Variants in DIAPH2 observed in about 807,000 individuals in gnomAD.
DIAPH2 encodes the protein protein diaphanous homolog 2.
DIAPH2 carries 35 observed loss-of-function variants against 92.7 expected under a neutral mutation model. The ratio of observed to expected loss-of-function variants is 0.38; its 90% CI spans 0.29 to 0.50. The LOEUF is 0.50. DIAPH2 is among the 20% of genes least tolerant of loss of function. The pLI, the probability that DIAPH2 is intolerant of heterozygous loss-of-function variation, is 0.94. For missense variants in DIAPH2, 701 were observed against 819.5 expected, an observed-to-expected ratio of 0.86 and a Z score of 1.77; for synonymous variants, 301 against 280.4, an observed-to-expected ratio of 1.07 and a Z score of -0.73.
intron 4 of DIAPH2, among the ~76,000 whole-genome samples, chrX:96,759,984 A>G (rs774698753): frequency 2.7e-5 from 3 of 111,861 alleles, no homozygotes; most frequent in Admixed American, 9.5e-5. Flanking sequence ...TGGAAATTCA[A>G]TGTTCCTCAA....
At position 97,583,569 on chromosome X, in the gene DIAPH2, T is replaced by C. The variant is rs181687219; in HGVS notation, c.3242-15684T>C. On this transcript the variant is annotated intron_variant, in intron 26 of 26. Coordinates refer to ENST00000324765, the MANE Select transcript of DIAPH2 (RefSeq NM_006729.5). ...GCTGCATGTTGGGAGAACCACTGCT[T>C]TCTTCAAAGCTGTCAGACTGGGATA... Among the ~76,000 whole-genome samples, 880 of 112,149 alleles carry C rather than the reference T, an allele frequency of 7.8e-3. 9 individuals are homozygous for C. Among genetic ancestry groups the C allele is most frequent in the African/African-American group, 0.027 (839 of 30,765 alleles).
intron 23 of DIAPH2, among the ~76,000 whole-genome samples, chrX:97,292,618 C>T (rs190745171): frequency 0.012 from 1,309 of 105,527 alleles, 11 homozygotes; most frequent in Non-Finnish European, 0.021. Context: ...GCGATCTTGG[C>T]TCACTGCAAC....
chrX:97,192,490 G>A lies in DIAPH2; in HGVS notation c.2719+50696G>A, dbSNP rs141378327. ...GCCATAGAATGTAAGAGCTAGATGC[G>A]CCCTTAGATTCCATTTGCTAAAACA... On this transcript the variant is annotated intron_variant, in intron 22 of 26. Transcript: ENST00000324765. Among the ~76,000 whole-genome samples the A allele has an allele frequency of 6.1e-4, 67 of 110,162 alleles. 1 individual carries two copies. In the East Asian group the frequency reaches 0.018, roughly 30 times the overall value.
intron 26 of DIAPH2, among the ~76,000 whole-genome samples, chrX:97,495,871 C>T: frequency 8.9e-6 from 1 of 111,736 alleles, no homozygotes. Flanking sequence ...TAGTGAATGA[C>T]CATTTCTGGA....
At chrX:96,918,678 A>G in intron 9 of DIAPH2, 61 bp downstream of exon 9, 1 of 800,030 alleles carries the variant, frequency 1.2e-6, no homozygotes, top group Non-Finnish European at 1.8e-6. Context: ...ATTTTGTATG[A>G]CATCAACTCC....
At chrX:96,880,621 T>G (rs1002108138) in intron 4 of DIAPH2, among the ~76,000 whole-genome samples, 3 of 111,930 alleles carry the variant, frequency 2.7e-5, no homozygotes, top group Non-Finnish European at 1.9e-5. Flanking sequence ...ATGATGTTAT[T>G]TTATAGTAAG....
At chrX:97,504,596 T>C (rs2104687) in intron 26 of DIAPH2, among the ~76,000 whole-genome samples, 46,603 of 110,445 alleles carry the variant, frequency 0.42, 7,082 homozygotes, top group East Asian at 0.58. Context: ...TCCATATAAA[T>C]GTCTGTGATA....
At chrX:96,959,946 T>G (rs1046513367) in intron 16 of DIAPH2, among the ~76,000 whole-genome samples, 5 of 111,532 alleles carry the variant, frequency 4.5e-5, no homozygotes, top group African/African-American at 1.6e-4. Context: ...GATTTACTTC[T>G]GGGTTCTCTA....
At chrX:97,026,449 A>T (rs1432341139) in intron 17 of DIAPH2, among the ~76,000 whole-genome samples, 1 of 112,418 alleles carries the variant, frequency 8.9e-6, no homozygotes, top group Non-Finnish European at 1.9e-5. Context: ...TAATATAATT[A>T]TTTTGCAGTA....
At chrX:97,454,425 A>T (rs1453223928) in intron 26 of DIAPH2, among the ~76,000 whole-genome samples, 1 of 112,164 alleles carries the variant, frequency 8.9e-6, no homozygotes, top group Admixed American at 9.4e-5. Flanking sequence ...GCTGCTAATT[A>T]AAAAATTGGA....
intron 15 of DIAPH2, among the ~76,000 whole-genome samples, chrX:96,956,696 A>G (rs1048339336): frequency 9.0e-6 from 1 of 111,686 alleles, no homozygotes; most frequent in Non-Finnish European, 1.9e-5. Flanking sequence ...CCTTTATTCC[A>G]GTTCCCAACA....
chrX:97,477,686 G>T (rs769253897), intron 26 of DIAPH2, among the ~76,000 whole-genome samples: 1 of 111,097 alleles, frequency 9.0e-6, no homozygotes, highest in East Asian at 2.8e-4. Flanking sequence ...ATCCTTTTTA[G>T]TTTAAATAAT....
At chrX:97,565,847 C>T (rs2071323206) in intron 26 of DIAPH2, among the ~76,000 whole-genome samples, 1 of 111,841 alleles carries the variant, frequency 8.9e-6, no homozygotes, top group African/African-American at 3.2e-5. Flanking sequence ...CAGGCTTTTT[C>T]CGCAAGCCAC....
chrX:97,577,837 A>C (rs899709569), intron 26 of DIAPH2, among the ~76,000 whole-genome samples: 2 of 112,031 alleles, frequency 1.8e-5, no homozygotes, highest in African/African-American at 6.5e-5. Flanking sequence ...TTGGGGCCAA[A>C]TTTATTACAC....
At chrX:96,833,065 A>C (rs1034461793) in intron 4 of DIAPH2, among the ~76,000 whole-genome samples, 5 of 111,444 alleles carry the variant, frequency 4.5e-5, no homozygotes, top group Admixed American at 9.6e-5. Flanking sequence ...ATAATTAGAT[A>C]TATGTACACC....
At chrX:97,236,584 G>A (rs1203487241) in intron 22 of DIAPH2, among the ~76,000 whole-genome samples, 4 of 87,027 alleles carry the variant, frequency 4.6e-5, no homozygotes, top group African/African-American at 9.3e-5. Flanking sequence ...TCGCTCTATC[G>A]CCCAGGCTGG....
chrX:97,067,146 C>T (rs1170396691), intron 17 of DIAPH2, among the ~76,000 whole-genome samples: 1 of 111,555 alleles, frequency 9.0e-6, no homozygotes, highest in Non-Finnish European at 1.9e-5. Flanking sequence ...ATCAGCTTTC[C>T]CTCCTAAGGT....
At chrX:97,254,162 G>T (rs1368713514) in intron 23 of DIAPH2, among the ~76,000 whole-genome samples, 1 of 111,520 alleles carries the variant, frequency 9.0e-6, no homozygotes, top group Non-Finnish European at 1.9e-5. Flanking sequence ...GACTGTCAGG[G>T]CCAAGGACTG....
intron 25 of DIAPH2, among the ~76,000 whole-genome samples, chrX:97,397,956 A>G (rs2069720123): frequency 8.9e-6 from 1 of 112,520 alleles, no homozygotes; most frequent in Admixed American, 9.4e-5. Context: ...AGCCTTTGCT[A>G]GACAGGAGTA....
Sources: gnomAD v4.1 joint callset for allele counts (sites outside exome capture counted in the v4.1 genomes callset) on GRCh38, gnomAD v4.1.1 for gene constraint, MANE v1.5 for transcripts, NCBI Gene and HGNC (gene_info 2026-07-23, HGNC 2026-07-21) for gene names.